Variants in ZNF609 observed in about 807,000 individuals in gnomAD.
ZNF609 encodes the protein zinc finger protein 609.
ZNF609 carries 11 observed loss-of-function variants against 109.5 expected under a neutral mutation model. The observed-to-expected ratio is 0.10, with a 90% CI of 0.06 to 0.17. The LOEUF (loss-of-function observed/expected upper bound fraction) is 0.17. Ranked by LOEUF, ZNF609 falls within the 10% of genes least tolerant of loss-of-function variation. The pLI is 1.00. For synonymous variants in ZNF609, 646 were observed against 662.0 expected (o/e 0.98, Z 0.37); for missense variants, 1,559 against 1,772.4 (o/e 0.88, Z 2.16).
At chr15:64,466,273 T>A (rs192326640) in intron 1 of ZNF609, among the ~76,000 whole-genome samples, 308 of 152,288 alleles carry the variant, frequency 2.0e-3, no homozygotes, top group Non-Finnish European at 3.6e-3. Flanking sequence ...GCCACTATAA[T>A]AGGAATGCCA....
chr15:64,533,223 G>C (rs994616223), intron 2 of ZNF609, among the ~76,000 whole-genome samples: 4 of 151,978 alleles, frequency 2.6e-5, no homozygotes, highest in Non-Finnish European at 5.9e-5. Flanking sequence ...GCTAATGTTT[G>C]TATTTTTAGT....
intron 1 of ZNF609, among the ~76,000 whole-genome samples, chr15:64,487,898 T>C (rs1208581320): frequency 1.3e-5 from 2 of 152,216 alleles, no homozygotes; most frequent in African/African-American, 2.4e-5. Flanking sequence ...CCTCCCAAAG[T>C]GCTGGGATTA....
At chr15:64,603,834 C>G (rs1895547443) in intron 2 of ZNF609, among the ~76,000 whole-genome samples, 1 of 150,762 alleles carries the variant, frequency 6.6e-6, no homozygotes, top group Non-Finnish European at 1.5e-5. Context: ...CCCATCTTTA[C>G]TAAAAATAAA....
At chr15:64,524,539 G>A (rs908878141) in intron 2 of ZNF609, among the ~76,000 whole-genome samples, 3 of 150,430 alleles carry the variant, frequency 2.0e-5, no homozygotes, top group East Asian at 1.9e-4. Context: ...ACTCCAGTCT[G>A]GGAGACAGAG....
intron 1 of ZNF609, among the ~76,000 whole-genome samples, chr15:64,481,869 C>G (rs1224033015): frequency 1.3e-5 from 2 of 152,148 alleles, no homozygotes; most frequent in African/African-American, 4.8e-5. Flanking sequence ...ACTTCAACCT[C>G]CACCTCCTGG....
At chr15:64,663,828 T>A (rs1190352139) in intron 3 of ZNF609, among the ~76,000 whole-genome samples, 1 of 152,178 alleles carries the variant, frequency 6.6e-6, no homozygotes, top group East Asian at 1.9e-4. Context: ...ACTATTATAC[T>A]TGGATCAGCC....
chr15:64,636,663 T>G (rs1896181687), intron 3 of ZNF609, among the ~76,000 whole-genome samples: 1 of 152,224 alleles, frequency 6.6e-6, no homozygotes, highest in African/African-American at 2.4e-5. Flanking sequence ...GAAAATCTCC[T>G]GGAATGAAGT....
At chr15:64,607,069 G>A (rs1239000551) in intron 2 of ZNF609, among the ~76,000 whole-genome samples, 3 of 152,164 alleles carry the variant, frequency 2.0e-5, no homozygotes, top group East Asian at 1.9e-4. Flanking sequence ...GCTTGAACTC[G>A]GGAGGCGGAG....
chr15:64,608,387 C>G lies in ZNF609; in HGVS notation c.748-14440C>G, dbSNP rs371576428. ...CCCAATGATAATATCTTGCAGAACT[C>G]TAGCACAATATTGCAACTGGGATGG... is the stretch of plus-strand genomic sequence containing the variant. On this transcript the variant is annotated intron_variant, in intron 2 of 9. Coordinates refer to ENST00000326648, the MANE Select transcript of ZNF609 (RefSeq NM_015042.2). 3.3e-5 allele frequency among the ~76,000 whole-genome samples: 5 copies of G among 152,180 alleles called. No individual in the cohort carries two copies. In the East Asian group the frequency reaches 5.8e-4, roughly 18 times the overall value.
intron 3 of ZNF609, among the ~76,000 whole-genome samples, chr15:64,648,692 G>A (rs8037182): frequency 0.77 from 113,687 of 148,016 alleles, 46,984 homozygotes; most frequent in East Asian, 0.96. Flanking sequence ...AGATGTTAAA[G>A]CACAATAAGT....
chr15:64,486,524 CAAAAAAAA>C (rs35701301), intron 1 of ZNF609, among the ~76,000 whole-genome samples: 1 of 113,074 alleles, frequency 8.8e-6, no homozygotes, highest in Non-Finnish European at 1.9e-5. Context: ...ACTCTGTCTC[CAAAAAAAA>C]AAAAAAAAAA....
At chr15:64,490,647 G>T (rs570812667) in intron 1 of ZNF609, among the ~76,000 whole-genome samples, 18 of 152,204 alleles carry the variant, frequency 1.2e-4, no homozygotes, top group African/African-American at 4.3e-4. Flanking sequence ...CTATACACAG[G>T]ATTTAGTAAG....
chr15:64,656,095 ACT>A (rs1408396934), intron 3 of ZNF609, among the ~76,000 whole-genome samples: 2 of 151,678 alleles, frequency 1.3e-5, no homozygotes, highest in Admixed American at 1.3e-4. Flanking sequence ...ACTGAGTCTC[ACT>A]CTGTCACCCA....
At chr15:64,575,246 G>A (rs1344575216) in intron 2 of ZNF609, among the ~76,000 whole-genome samples, 1 of 152,136 alleles carries the variant, frequency 6.6e-6, no homozygotes, top group Non-Finnish European at 1.5e-5. Flanking sequence ...CCAACATGGA[G>A]AAACCCCGTC....
intron 2 of ZNF609, among the ~76,000 whole-genome samples, chr15:64,578,769 C>T (rs543154527): frequency 1.3e-5 from 2 of 152,246 alleles, no homozygotes; most frequent in South Asian, 2.1e-4. Context: ...GAGGCCAAGG[C>T]GCATGGATTG....
chr15:64,595,082 G>A (rs987256219), intron 2 of ZNF609, among the ~76,000 whole-genome samples: 10 of 151,600 alleles, frequency 6.6e-5, no homozygotes, highest in South Asian at 2.1e-4. Flanking sequence ...AATTTGGGCC[G>A]GGCGCGGTGG....
intron 2 of ZNF609, among the ~76,000 whole-genome samples, chr15:64,603,841 TA>T (rs574765248): frequency 2.0e-5 from 3 of 148,188 alleles, no homozygotes; most frequent in African/African-American, 2.5e-5. Context: ...TTACTAAAAA[TA>T]AAAAAAAATA....
chr15:64,494,990 A>G (rs1324592668), intron 1 of ZNF609, among the ~76,000 whole-genome samples: 1 of 152,208 alleles, frequency 6.6e-6, no homozygotes. Context: ...CACACTTAAG[A>G]TGTGGAATCT....
At chr15:64,580,931 CTG>C (rs1435709168) in intron 2 of ZNF609, among the ~76,000 whole-genome samples, 1 of 132,654 alleles carries the variant, frequency 7.5e-6, no homozygotes, top group African/African-American at 2.9e-5. Context: ...GTTGACAACT[CTG>C]TTTTCTAGTC....
Sources: allele counts gnomAD v4.1 joint callset (sites outside exome capture counted in the v4.1 genomes callset), GRCh38; gene constraint gnomAD v4.1.1; transcripts MANE v1.5; gene names NCBI Gene and HGNC (gene_info 2026-07-23, HGNC 2026-07-21).